The following B3GLCT variants were observed in gnomAD, a reference collection of about 807,000 sequenced individuals.
The protein encoded by B3GLCT is beta-1,3-glucosyltransferase.
In B3GLCT, 65 loss-of-function variants were observed where a neutral mutation model predicts 63.4. The observed-to-expected ratio is 1.03, with a 90% CI of 0.84 to 1.26. B3GLCT has a LOEUF of 1.26. Among genes scored for constraint, B3GLCT ranks in the 50% most tolerant of loss-of-function variants. The pLI is 0.00. For missense variants in B3GLCT, 577 were observed against 604.8 expected (o/e 0.95, Z 0.48); for synonymous variants, 233 against 219.2 (o/e 1.06, Z -0.55).
At chr13:31,233,659 C>G (rs9315118) in intron 4 of B3GLCT, among the ~76,000 whole-genome samples, 93,355 of 151,910 alleles carry the variant, frequency 0.61, 30,223 homozygotes, top group Middle Eastern at 0.75. Flanking sequence ...CTTTATGTAC[C>G]TATGTCCAGG....
rs567259766 is a variant in B3GLCT, at chr13:31,229,303, C to G, written c.270+9C>G. ...CTGCAGATCTTACACAGGTACGTAG[C>G]GATGGCTGGGGGGTCTGCCAGTTAT... On this transcript the variant is annotated intron_variant, in intron 4 of 14. Coordinates refer to ENST00000343307, the MANE Select transcript of B3GLCT (RefSeq NM_194318.4). 19 of 1,515,126 alleles carry G rather than the reference C, an allele frequency of 1.3e-5. No individual in the cohort carries two copies. Among genetic ancestry groups the G allele is most frequent in the Non-Finnish European group, 1.7e-5 (18 of 1,089,614 alleles). 93.9% of individuals were successfully genotyped at this position (1,515,126 alleles called of 1,614,324 possible).
intron 8 of B3GLCT, among the ~76,000 whole-genome samples, chr13:31,271,014 C>T (rs1367998004): frequency 2.0e-5 from 3 of 152,218 alleles, no homozygotes; most frequent in South Asian, 4.1e-4. Context: ...AGAGGACTCT[C>T]CTCCCCTGCA....
intron 12 of B3GLCT, among the ~76,000 whole-genome samples, chr13:31,306,540 A>G (rs1392311036): frequency 8.9e-6 from 1 of 112,534 alleles, no homozygotes; most frequent in African/African-American, 3.7e-5. Context: ...CCAACAACAG[A>G]CAAACAGAGA....
chr13:31,316,407 T>TTATAGATATATATATATA (rs1875017730), intron 12 of B3GLCT, among the ~76,000 whole-genome samples: 1 of 40,866 alleles, frequency 2.4e-5, no homozygotes, highest in Non-Finnish European at 5.4e-5. Context: ...TTTGGAGGTT[T>TTATAGATATATATATATA]TATATATATA....
At chr13:31,275,704 C>A (rs533846337) in intron 9 of B3GLCT, among the ~76,000 whole-genome samples, 90 of 152,234 alleles carry the variant, frequency 5.9e-4, no homozygotes, top group African/African-American at 2.2e-3. Flanking sequence ...AAAATGTGTT[C>A]ACCAACCTCA....
chr13:31,230,057 A>C (rs1870301837), intron 4 of B3GLCT, among the ~76,000 whole-genome samples: 1 of 152,128 alleles, frequency 6.6e-6, no homozygotes, highest in African/African-American at 2.4e-5. Flanking sequence ...TTCCTCTATG[A>C]GTCTCTTAAT....
intron 6 of B3GLCT, among the ~76,000 whole-genome samples, chr13:31,252,604 A>T (rs1262994454): frequency 6.6e-6 from 1 of 152,204 alleles, no homozygotes; most frequent in African/African-American, 2.4e-5. Flanking sequence ...ACCAAGAAAG[A>T]TCAAAAGAGA....
chr13:31,202,516 C>T (rs1453645970), intron 1 of B3GLCT, among the ~76,000 whole-genome samples: 1 of 152,160 alleles, frequency 6.6e-6, no homozygotes, highest in Non-Finnish European at 1.5e-5. Context: ...CGAAGTAACC[C>T]TTTAGCCCTT....
intron 13 of B3GLCT, among the ~76,000 whole-genome samples, chr13:31,318,225 C>T (rs1322316588): frequency 6.6e-6 from 1 of 152,158 alleles, no homozygotes; most frequent in Non-Finnish European, 1.5e-5. Context: ...ATCAATTAAG[C>T]AGTTTTCCCT....
intron 2 of B3GLCT, among the ~76,000 whole-genome samples, chr13:31,219,567 TGAA>T (rs1262688945): frequency 5.9e-5 from 9 of 152,198 alleles, no homozygotes; most frequent in Non-Finnish European, 1.2e-4. Flanking sequence ...ACCAAAGTGT[TGAA>T]GTTCATCTCT....
chr13:31,311,726 A>T (rs1874720500), intron 12 of B3GLCT: 1 of 152,106 alleles, frequency 6.6e-6, no homozygotes, highest in Admixed American at 6.6e-5. Context: ...GTCTTTCCAC[A>T]ATGTCAGACT....
Position 31,286,809 on chromosome 13 carries a change from A to G in B3GLCT, c.1054A>G (p.Thr352Ala). The change falls in exon 12 of 15, where the codon ACA becomes GCA. Residue 352 changes from threonine (T) to alanine (A), a missense_variant. Transcript: ENST00000343307. ...TAWLVIVDDD[T>A]LISISRLQHL... ...ATGGTTAGTCATTGTGGATGATGAT[A>G]CATTAATAAGGTAAGGAGTCATTCT... The G allele has an allele frequency of 6.2e-7, 1 of 1,607,900 alleles. No homozygotes were observed.
At chr13:31,310,828 C>A (rs1344203426) in intron 12 of B3GLCT, among the ~76,000 whole-genome samples, 1 of 152,224 alleles carries the variant, frequency 6.6e-6, no homozygotes, top group Non-Finnish European at 1.5e-5. Context: ...TCTGCTGCAT[C>A]CCCCACCCCT....
rs1870923720 is a variant in B3GLCT at position 31,241,219 on chromosome 13, C to T, written c.271-5804C>T. On this transcript the variant is annotated intron_variant, in intron 4 of 14. Coordinates refer to ENST00000343307, the MANE Select transcript of B3GLCT (RefSeq NM_194318.4). ...CCTGTGTCTGGAGGGAGCTGGGGCTCAGCCCATTAAGGCAGACGGAGGCCA... is the reference window on the plus strand; with the variant it reads ...CCTGTGTCTGGAGGGAGCTGGGGCTTAGCCCATTAAGGCAGACGGAGGCCA... 2.0e-5 allele frequency among the ~76,000 whole-genome samples: 3 copies of T among 152,348 alleles called. No individual in the cohort carries two copies. The South Asian group carries it at 6.2e-4, about 32-fold the overall frequency.
At chr13:31,234,621 G>T (rs988671950) in intron 4 of B3GLCT, among the ~76,000 whole-genome samples, 8 of 152,110 alleles carry the variant, frequency 5.3e-5, no homozygotes, top group Non-Finnish European at 1.0e-4. Flanking sequence ...AGCGGATGGG[G>T]GGTGGCAGTG....
intron 1 of B3GLCT, among the ~76,000 whole-genome samples, chr13:31,201,983 C>T (rs991380565): frequency 6.6e-6 from 1 of 152,132 alleles, no homozygotes; most frequent in African/African-American, 2.4e-5. Context: ...TCTTCGAGGT[C>T]TGAAGTGAAT....
At position 31,200,168 on chromosome 13, in the gene B3GLCT, G is replaced by A. The variant is rs1278731523; in HGVS notation, c.70+14G>A. The A allele has an allele frequency of 1.5e-6, 2 of 1,299,768 alleles. No individual in the cohort carries two copies. Among genetic ancestry groups the A allele is most frequent in the East Asian group, 3.8e-5 (1 of 26,306 alleles). 80.5% of individuals were successfully genotyped at this position (1,299,768 alleles called of 1,614,324 possible). A position where few individuals can be genotyped will look rare whatever the true frequency, so the allele number is the denominator to read the frequency against. ...CCTGCTCCCTGGGTAAGTAGCGGGCGGCCAGGCGCGCAAGGGCGAGGCGTG... is the reference window on the plus strand; with the variant it reads ...CCTGCTCCCTGGGTAAGTAGCGGGCAGCCAGGCGCGCAAGGGCGAGGCGTG... On this transcript the variant is annotated intron_variant, in intron 1 of 14. Coordinates refer to ENST00000343307, the MANE Select transcript of B3GLCT (RefSeq NM_194318.4).
intron 13 of B3GLCT, among the ~76,000 whole-genome samples, chr13:31,319,720 C>A (rs1204704842): frequency 2.0e-5 from 3 of 152,158 alleles, no homozygotes; most frequent in Non-Finnish European, 4.4e-5. Flanking sequence ...ACTCTTTCTC[C>A]AGCCTAGAAC....
intron 1 of B3GLCT, among the ~76,000 whole-genome samples, chr13:31,209,941 A>G (rs1446436010): frequency 1.3e-5 from 2 of 152,238 alleles, no homozygotes; most frequent in South Asian, 2.1e-4. Flanking sequence ...AGGCACAATC[A>G]TCTTTCCTGC....
Sources: allele counts gnomAD v4.1 joint callset (sites outside exome capture counted in the v4.1 genomes callset), GRCh38; gene constraint gnomAD v4.1.1; transcripts MANE v1.5; gene names NCBI Gene and HGNC (gene_info 2026-07-23, HGNC 2026-07-21).